The following ATXN10 variants were observed in gnomAD, a reference collection of about 807,000 sequenced individuals.
The protein encoded by ATXN10 is ataxin 10.
ATXN10 carries 28 observed loss-of-function variants against 52.9 expected under a neutral mutation model. The ratio of observed to expected loss-of-function variants is 0.53; its 90% CI spans 0.39 to 0.73. The LOEUF (loss-of-function observed/expected upper bound fraction) is 0.73. ATXN10 is among the 30% of genes least tolerant of loss of function. ATXN10 has a pLI of 0.00. For synonymous variants in ATXN10, 226 were observed against 221.5 expected, an observed-to-expected ratio of 1.02 and a Z score of -0.18; for missense variants, 565 against 577.0, an observed-to-expected ratio of 0.98 and a Z score of 0.21.
At chr22:45,722,478 A>G (rs1924692690) in intron 6 of ATXN10, among the ~76,000 whole-genome samples, 1 of 152,170 alleles carries the variant, frequency 6.6e-6, no homozygotes, top group Non-Finnish European at 1.5e-5. Flanking sequence ...TTTATATTTT[A>G]AAGATTCATT....
chr22:45,773,445 A>ATTATTTATTTATTTAT (rs111706438), intron 9 of ATXN10, among the ~76,000 whole-genome samples: 14 of 149,376 alleles, frequency 9.4e-5, no homozygotes, highest in South Asian at 4.3e-4. Flanking sequence ...TGAATGAAGA[A>ATTATTTATTTATTTAT]TTATTTATTT....
chr22:45,748,747 T>C (rs1925834017), intron 9 of ATXN10, among the ~76,000 whole-genome samples: 1 of 152,226 alleles, frequency 6.6e-6, no homozygotes, highest in Non-Finnish European at 1.5e-5. Flanking sequence ...TCTGGCTTGC[T>C]TAGAATTCCA....
At chr22:45,802,958 C>G (rs559292023) in intron 9 of ATXN10, among the ~76,000 whole-genome samples, 1 of 152,172 alleles carries the variant, frequency 6.6e-6, no homozygotes, top group African/African-American at 2.4e-5. Flanking sequence ...AGTGTAAATT[C>G]AGCCCTGTTG....
chr22:45,679,350 A>G (rs886475170), intron 1 of ATXN10: 14 of 152,236 alleles, frequency 9.2e-5, no homozygotes, highest in Admixed American at 9.2e-4. Flanking sequence ...TTAGGAGGGG[A>G]CAGGAAACGT....
rs953811149 is a variant in ATXN10, at chr22:45,826,922, A to C, written c.1238-16069A>C. 1.3e-5 allele frequency among the ~76,000 whole-genome samples: 2 copies of C among 152,230 alleles called. No homozygotes were observed. Among genetic ancestry groups the C allele is most frequent in the African/African-American group, 4.8e-5 (2 of 41,456 alleles). ...TAACTTCACATTTTGTTTTCTACAT[A>C]TTTTAAGAGACTAATGTGTCTGAAA... On this transcript the variant is annotated intron_variant, in intron 10 of 11. Coordinates refer to ENST00000252934, the MANE Select transcript of ATXN10 (RefSeq NM_013236.4). The surrounding 1 kb of genome is among the most constrained non-coding windows in gnomAD (Gnocchi z 5.0).
chr22:45,759,480 C>G lies in ATXN10; in HGVS notation c.1173+18942C>G, dbSNP rs2146827226. Reference sequence around the variant, plus strand: ...TGAGCCGAGATAGCATCACTGCACTCCAGCCTGGGCAGAGCAAGACTCCGT... The same window carrying G: ...TGAGCCGAGATAGCATCACTGCACTGCAGCCTGGGCAGAGCAAGACTCCGT... On this transcript the variant is annotated intron_variant, in intron 9 of 11. Coordinates refer to ENST00000252934, the MANE Select transcript of ATXN10 (RefSeq NM_013236.4). The surrounding 1 kb of genome is among the most constrained non-coding windows in gnomAD (Gnocchi z 5.4). Among the ~76,000 whole-genome samples the G allele has an allele frequency of 6.6e-6, 1 of 152,270 alleles. No homozygotes were observed. The highest frequency in any genetic ancestry group is 2.1e-4 in the South Asian group (1 of 4,822).
At chr22:45,720,540 G>T (rs1486551513) in intron 6 of ATXN10, among the ~76,000 whole-genome samples, 1 of 152,136 alleles carries the variant, frequency 6.6e-6, no homozygotes, top group African/African-American at 2.4e-5. Context: ...TTCAGGGGGT[G>T]TGAAGGATGT....
chr22:45,685,653 A>G (rs144230674), intron 1 of ATXN10, among the ~76,000 whole-genome samples: 1 of 152,330 alleles, frequency 6.6e-6, no homozygotes, highest in Admixed American at 6.5e-5. Context: ...TGTAATGCCA[A>G]ATAGTTTTCT....
rs1306481071 is a variant in ATXN10 at position 45,732,636 on chromosome 22, G to A, written c.894+3046G>A. Among the ~76,000 whole-genome samples the A allele has an allele frequency of 1.3e-5, 2 of 151,032 alleles. No homozygotes were observed. The highest frequency in any genetic ancestry group is 2.9e-5 in the Non-Finnish European group (2 of 67,910). ...TATTTAAATATGCCAAAGACCAAGTGCTATACTGGAGCTGGCCTGTGGTGA... is the reference window on the plus strand; with the variant it reads ...TATTTAAATATGCCAAAGACCAAGTACTATACTGGAGCTGGCCTGTGGTGA... On this transcript the variant is annotated intron_variant, in intron 7 of 11. Transcript: ENST00000252934. The surrounding 1 kb of genome is among the most constrained non-coding windows in gnomAD (Gnocchi z 4.5).
chr22:45,674,869 A>G (rs369445035), intron 1 of ATXN10: 57 of 152,326 alleles, frequency 3.7e-4, no homozygotes, highest in African/African-American at 1.3e-3. Context: ...GAGCTCTTCC[A>G]TGCTACAAAA....
At chr22:45,765,509 G>A (rs1193600673) in intron 9 of ATXN10, among the ~76,000 whole-genome samples, 1 of 152,148 alleles carries the variant, frequency 6.6e-6, no homozygotes, top group East Asian at 1.9e-4. Context: ...AATCAGCTGG[G>A]ACTGAGGGGT....
rs1223735802 is a variant in ATXN10 at position 45,766,919 on chromosome 22, A to G, written c.1173+26381A>G. ...AGTGCTCAACTTTGCTCATAAAAAG[A>G]AAAATGCACATTAAACTACTCACTG... On this transcript the variant is annotated intron_variant, in intron 9 of 11. Coordinates refer to ENST00000252934, the MANE Select transcript of ATXN10 (RefSeq NM_013236.4). This position sits in a 1 kb window ranked among gnomAD's most constrained non-coding sequence, Gnocchi z 4.6. Among the ~76,000 whole-genome samples, 1 of 152,246 alleles carries G rather than the reference A, an allele frequency of 6.6e-6. No homozygotes were observed. The highest frequency in any genetic ancestry group is 1.5e-5 in the Non-Finnish European group (1 of 68,048).
intron 5 of ATXN10, among the ~76,000 whole-genome samples, chr22:45,717,877 C>T (rs1256050447): frequency 6.6e-6 from 1 of 152,056 alleles, no homozygotes; most frequent in Non-Finnish European, 1.5e-5. Flanking sequence ...AAGAACTATG[C>T]CTATAATCTT....
At position 45,783,648 on chromosome 22, in the gene ATXN10, A is replaced by T. The variant is rs1223057102; in HGVS notation, c.1174-23311A>T. Among the ~76,000 whole-genome samples, 1 of 152,138 alleles carries T rather than the reference A, an allele frequency of 6.6e-6. No individual in the cohort carries two copies. Among genetic ancestry groups the T allele is most frequent in the Non-Finnish European group, 1.5e-5 (1 of 68,026 alleles). On this transcript the variant is annotated intron_variant, in intron 9 of 11. Transcript: ENST00000252934. The surrounding 1 kb of genome is among the most constrained non-coding windows in gnomAD (Gnocchi z 5.0). ...CCTTCTCTCTCCCTTATCCCCACCC[A>T]CATCCTGACATTGGTAAGAGCAGTA...
rs142025177 is a variant in ATXN10 at position 45,761,506 on chromosome 22, T to C, written c.1173+20968T>C. Among the ~76,000 whole-genome samples the C allele has an allele frequency of 5.9e-5, 9 of 152,356 alleles. No homozygotes were observed. In the East Asian group the frequency reaches 1.7e-3, roughly 29 times the overall value. ...ATGTAATACTGTGTTTACTTAATTT[T>C]CATTTCTCACCAACCTTTATGGAAG... On this transcript the variant is annotated intron_variant, in intron 9 of 11. Transcript: ENST00000252934.
chr22:45,805,762 A>C lies in ATXN10; in HGVS notation c.1174-1197A>C, dbSNP rs1365939424. 6.6e-6 allele frequency among the ~76,000 whole-genome samples: 1 copy of C among 152,166 alleles called. No individual in the cohort carries two copies. The highest frequency in any genetic ancestry group is 2.4e-5 in the African/African-American group (1 of 41,448). On this transcript the variant is annotated intron_variant, in intron 9 of 11. Coordinates refer to ENST00000252934, the MANE Select transcript of ATXN10 (RefSeq NM_013236.4). The surrounding 1 kb of genome is among the most constrained non-coding windows in gnomAD (Gnocchi z 4.4). ...CTTTTAGGGGTGAGGAAAATGTTGG[A>C]AAATTGGATCATGCTAATGGTTATA...
chr22:45,745,639 A>G (rs1000429141), intron 9 of ATXN10, among the ~76,000 whole-genome samples: 1 of 152,260 alleles, frequency 6.6e-6, no homozygotes, highest in African/African-American at 2.4e-5. Context: ...GTTCATTTAT[A>G]TACATAAAAT....
At chr22:45,807,324 G>A (rs1015030188) in intron 10 of ATXN10, among the ~76,000 whole-genome samples, 11 of 152,276 alleles carry the variant, frequency 7.2e-5, no homozygotes, top group South Asian at 2.1e-4. Flanking sequence ...GCGCATCACC[G>A]GTGTCACCTT....
chr22:45,779,545 G>A (rs1449001809), intron 9 of ATXN10, among the ~76,000 whole-genome samples: 1 of 152,218 alleles, frequency 6.6e-6, no homozygotes, highest in African/African-American at 2.4e-5. Context: ...CCGTCTTGCA[G>A]TACGCAACCA....
Sources: allele counts gnomAD v4.1 joint callset (sites outside exome capture counted in the v4.1 genomes callset), GRCh38; gene constraint gnomAD v4.1.1; non-coding constraint Gnocchi (gnomAD v3.1); transcripts MANE v1.5; gene names NCBI Gene and HGNC (gene_info 2026-07-23, HGNC 2026-07-21).